Variants in HK2 observed in about 807,000 individuals in gnomAD.
HK2 encodes the protein hexokinase 2.
A neutral mutation model predicts 92.9 loss-of-function variants in HK2; 42 were observed. The observed-to-expected ratio is 0.45, with a 90% CI of 0.35 to 0.58. The LOEUF (loss-of-function observed/expected upper bound fraction) is 0.58, where lower values mean the gene tolerates loss of function less well. Ranked by LOEUF, HK2 falls within the 20% of genes least tolerant of loss-of-function variation. The pLI is 0.00. For missense variants in HK2, 978 were observed against 1,245.1 expected, an observed-to-expected ratio of 0.79 and a Z score of 3.23; for synonymous variants, 422 against 468.0, an observed-to-expected ratio of 0.90 and a Z score of 1.27.
chr2:74,843,244 C>T (rs1573354013), intron 1 of HK2, among the ~76,000 whole-genome samples: 1 of 152,102 alleles, frequency 6.6e-6, no homozygotes. Context: ...GCTCTTTGCC[C>T]CTCATATACA....
intron 4 of HK2, 123 bp from the exon 5 acceptor site, chr2:74,873,153 A>G (rs1474286245): frequency 6.2e-6 from 5 of 804,184 alleles, no homozygotes; most frequent in Non-Finnish European, 1.1e-5. Flanking sequence ...GAAGTAACAC[A>G]CAAATTCAAT....
At chr2:74,855,972 C>A (rs985841619) in intron 2 of HK2, among the ~76,000 whole-genome samples, 1 of 152,014 alleles carries the variant, frequency 6.6e-6, no homozygotes. Flanking sequence ...GCTTGTGAGG[C>A]CCATGACGGG....
chr2:74,889,561 C>T (rs1306353435), intron 17 of HK2, 83 bp downstream of exon 17: 2 of 935,310 alleles, frequency 2.1e-6, no homozygotes, highest in Non-Finnish European at 3.4e-6. Context: ...TCCTTTGTTA[C>T]TTTATAGTGA....
chr2:74,835,041 T>G (rs1688121696), intron 1 of HK2: 1 of 295,382 alleles, frequency 3.4e-6, no homozygotes, highest in Non-Finnish European at 6.6e-6. Context: ...GAATCGTGGC[T>G]GCGGGAGGCT....
intron 6 of HK2, 149 bp from the exon 7 acceptor site, chr2:74,874,117 A>T: frequency 9.3e-7 from 1 of 1,071,992 alleles, no homozygotes; most frequent in Non-Finnish European, 1.4e-6. Flanking sequence ...GTGGCAGAAG[A>T]TTAGACCATG....
chr2:74,853,548 C>T (rs1054621031), intron 1 of HK2, among the ~76,000 whole-genome samples: 6 of 151,104 alleles, frequency 4.0e-5, no homozygotes, highest in African/African-American at 1.5e-4. Context: ...ACAACAACAA[C>T]AACAACAACA....
chr2:74,841,018 G>C (rs982646342), intron 1 of HK2, among the ~76,000 whole-genome samples: 1 of 151,506 alleles, frequency 6.6e-6, no homozygotes, highest in Non-Finnish European at 1.5e-5. Flanking sequence ...GGCTCTTTCT[G>C]CTTATCTTTA....
At chr2:74,880,721 TCAAA>T in intron 10 of HK2, 152 bp downstream of exon 10, 1 of 783,430 alleles carries the variant, frequency 1.3e-6, no homozygotes, top group Non-Finnish European at 2.1e-6. Context: ...TTTGATAAAC[TCAAA>T]CAAGGTGCTC....
At chr2:74,889,974 G>A (rs1315966194) in intron 17 of HK2, among the ~76,000 whole-genome samples, 2 of 152,198 alleles carry the variant, frequency 1.3e-5, no homozygotes, top group Non-Finnish European at 1.5e-5. Context: ...TATCGTTGAG[G>A]TGATATTTAG....
chr2:74,840,799 A>T (rs1169977214), intron 1 of HK2, among the ~76,000 whole-genome samples: 1 of 142,782 alleles, frequency 7.0e-6, no homozygotes, highest in Non-Finnish European at 1.5e-5. Flanking sequence ...GAATCAGTTG[A>T]GCCCGGGAGG....
intron 10 of HK2, 119 bp downstream of exon 10, chr2:74,880,688 C>G: frequency 9.7e-7 from 1 of 1,033,152 alleles, no homozygotes; most frequent in Admixed American, 2.0e-5. Flanking sequence ...TTTCTTCAGC[C>G]GTATTACTAG....
chr2:74,882,271 G>A (rs891805764), intron 12 of HK2, 32 bp downstream of exon 12: 2 of 1,613,164 alleles, frequency 1.2e-6, no homozygotes, highest in African/African-American at 2.7e-5. Context: ...GCTCTCCTGT[G>A]GGCTTTATTG....
In HK2 at chr2:74,878,733, G is replaced by A. The variant is rs1437330162; in HGVS notation, c.1077G>A (p.Leu359=). Reference sequence around the variant, plus strand: ...AGGCCCGTGAGGTCCTGATGCGGTTGGGCCTGGACCCGACTCAGGAGGACT... The same window carrying A: ...AGGCCCGTGAGGTCCTGATGCGGTTAGGCCTGGACCCGACTCAGGAGGACT... ...IRKAREVLMR[L]GLDPTQEDCV... is the part of the protein sequence containing the mutation. Residue 359 remains leucine (L), a synonymous_variant, in exon 9 of 18, where the codon TTG becomes TTA. Coordinates refer to ENST00000290573, the MANE Select transcript of HK2 (RefSeq NM_000189.5). The A allele has an allele frequency of 6.2e-7, 1 of 1,606,818 alleles. No homozygotes were observed. Among genetic ancestry groups the A allele is most frequent in the Non-Finnish European group, 8.5e-7 (1 of 1,176,758 alleles).
intron 6 of HK2, 117 bp from the exon 7 acceptor site, chr2:74,874,149 T>G: frequency 7.7e-7 from 1 of 1,296,516 alleles, no homozygotes; most frequent in Non-Finnish European, 1.1e-6. Flanking sequence ...CCCCAGAGTC[T>G]GCAGTGAGAA....
Position 74,882,159 on chromosome 2 carries a change from G to T in HK2, c.1759G>T (p.Glu587Ter). The T allele has an allele frequency of 6.2e-7, 1 of 1,614,136 alleles. No individual in the cohort carries two copies. The highest frequency in any genetic ancestry group is 8.5e-7 in the Non-Finnish European group (1 of 1,180,014). Residue 587 changes from glutamate (E) to a stop codon, truncating the protein, a stop_gained, in exon 12 of 18, where the codon GAG becomes TAG. Coordinates refer to ENST00000290573, the MANE Select transcript of HK2 (RefSeq NM_000189.5). LOFTEE classifies it high-confidence loss of function. Reference sequence around the variant, plus strand: ...TGTCCAGTGCATCGCGGACTTCCTCGAGTACATGGGCATGAAGGGCGTGTC... The same window carrying T: ...TGTCCAGTGCATCGCGGACTTCCTCTAGTACATGGGCATGAAGGGCGTGTC... Reference protein sequence around the residue: ...HIVQCIADFLEYMGMKGVSLP... With the variant: ...HIVQCIADFL
At chr2:74,850,156 C>T (rs1688532946) in intron 1 of HK2, among the ~76,000 whole-genome samples, 2 of 152,228 alleles carry the variant, frequency 1.3e-5, no homozygotes. Flanking sequence ...TATTGGAAAC[C>T]TCCCAGAGGA....
At chr2:74,872,524 T>G in intron 4 of HK2, 105 bp downstream of exon 4, 1 of 1,244,448 alleles carries the variant, frequency 8.0e-7, no homozygotes, top group South Asian at 1.2e-5. Flanking sequence ...CACTGGAGGA[T>G]TGTGGAGATG....
chr2:74,859,424 T>A (rs527594244), intron 2 of HK2, among the ~76,000 whole-genome samples: 3 of 152,204 alleles, frequency 2.0e-5, no homozygotes, highest in African/African-American at 7.2e-5. Flanking sequence ...TGGTGTCTCA[T>A]GCCTGCAATC....
chr2:74,847,456 T>C (rs917798883), intron 1 of HK2, among the ~76,000 whole-genome samples: 1 of 152,052 alleles, frequency 6.6e-6, no homozygotes, highest in Non-Finnish European at 1.5e-5. Context: ...GATGGAAGGA[T>C]TGCTTAAGGC....
Sources: allele counts gnomAD v4.1 joint callset (sites outside exome capture counted in the v4.1 genomes callset), GRCh38; gene constraint gnomAD v4.1.1; transcripts MANE v1.5; gene names NCBI Gene and HGNC (gene_info 2026-07-23, HGNC 2026-07-21).